Variants in DRAXIN observed in about 807,000 individuals in gnomAD.
DRAXIN encodes the protein dorsal repulsive axon guidance protein.
In DRAXIN, 27 loss-of-function variants were observed where a neutral mutation model predicts 33.9. The observed-to-expected ratio is 0.80, with a 90% CI of 0.59 to 1.10. The LOEUF (loss-of-function observed/expected upper bound fraction) is 1.10, where lower values mean the gene tolerates loss of function less well. Ranked by LOEUF, DRAXIN falls within the 50% of genes least tolerant of loss-of-function variation. The pLI is 0.00. For synonymous variants in DRAXIN, 178 were observed against 194.0 expected, an observed-to-expected ratio of 0.92 and a Z score of 0.69; for missense variants, 371 against 460.8, an observed-to-expected ratio of 0.81 and a Z score of 1.78.
At chr1:11,702,504 ATAG>A (rs2100734092) in intron 1 of DRAXIN, among the ~76,000 whole-genome samples, 1 of 150,634 alleles carries the variant, frequency 6.6e-6, no homozygotes, top group Non-Finnish European at 1.5e-5. Context: ...TCACATGATC[ATAG>A]TATACACACA....
upstream of DRAXIN, among the ~76,000 whole-genome samples, chr1:11,688,279 G>T (rs1373946607): frequency 6.6e-6 from 1 of 152,134 alleles, no homozygotes; most frequent in African/African-American, 2.4e-5. The surrounding 1 kb of genome is among the most constrained non-coding windows in gnomAD (Gnocchi z 4.6). Flanking sequence ...AGCACACGTG[G>T]CCGGGCACGG....
At chr1:11,691,147 C>T (rs536134473), upstream of DRAXIN, among the ~76,000 whole-genome samples, 408 of 152,316 alleles carry the variant, frequency 2.7e-3, 1 homozygote, top group Non-Finnish European at 4.3e-3. Flanking sequence ...CGCCGTTCCC[C>T]GTCCCGCCTC....
upstream of DRAXIN, among the ~76,000 whole-genome samples, chr1:11,690,948 T>G (rs566169645): frequency 3.5e-5 from 5 of 144,844 alleles, no homozygotes; most frequent in East Asian, 4.2e-4. This position sits in a 1 kb window ranked among gnomAD's most constrained non-coding sequence, Gnocchi z 4.2. Context: ...GTGTGTGTGT[T>G]TGTGTGTGTG....
intron 1 of DRAXIN, among the ~76,000 whole-genome samples, chr1:11,702,781 C>T (rs1359765045): frequency 5.4e-5 from 8 of 148,350 alleles, no homozygotes; most frequent in African/African-American, 1.0e-4. Context: ...CTCTCTCTGT[C>T]GCCCAGGTTG....
chr1:11,698,265 T>G (rs1641222712), intron 1 of DRAXIN, among the ~76,000 whole-genome samples: 1 of 152,140 alleles, frequency 6.6e-6, no homozygotes, highest in Admixed American at 6.5e-5. Flanking sequence ...ATCCATACAG[T>G]TGTTCCCCAA....
At chr1:11,698,493 G>A (rs12133335) in intron 1 of DRAXIN, among the ~76,000 whole-genome samples, 9,396 of 152,268 alleles carry the variant, frequency 0.062, 353 homozygotes, top group African/African-American at 0.11. Context: ...AATTCCTGCC[G>A]TTTCAGGAAG....
At position 11,692,455 on chromosome 1, in the gene DRAXIN, C is replaced by G. The variant is rs1294974310; in HGVS notation, c.-11+602C>G. Among the ~76,000 whole-genome samples the G allele has an allele frequency of 6.6e-6, 1 of 152,232 alleles. No homozygotes were observed. Among genetic ancestry groups the G allele is most frequent in the African/African-American group, 2.4e-5 (1 of 41,462 alleles). ...GGCCCCGCGCCGTCCCATCTGTGCC[C>G]AGGAAGGTACTCAGCCTGGCTCCCC... On this transcript the variant is annotated intron_variant, in intron 1 of 6. Coordinates refer to ENST00000294485, the MANE Select transcript of DRAXIN (RefSeq NM_198545.4). The surrounding 1 kb of genome is among the most constrained non-coding windows in gnomAD (Gnocchi z 5.8).
Position 11,706,357 on chromosome 1 carries a change from T to C in DRAXIN, c.99T>C (p.Pro33=), listed in dbSNP as rs1363644384. Residue 33 remains proline, a synonymous_variant, in exon 2 of 7, where the codon CCT becomes CCC. Coordinates refer to ENST00000294485, the MANE Select transcript of DRAXIN (RefSeq NM_198545.4). The surrounding 1 kb of genome is among the most constrained non-coding windows in gnomAD (Gnocchi z 5.5). ...SLAGALAPGT[P]ARNLPENHID... ...CAGGCGCCCTTGCACCTGGGACCCCTGCCCGGAACCTCCCTGAGAATCACA... is the reference window on the plus strand; with the variant it reads ...CAGGCGCCCTTGCACCTGGGACCCCCGCCCGGAACCTCCCTGAGAATCACA... The C allele has an allele frequency of 6.2e-7, 1 of 1,613,902 alleles. No individual in the cohort carries two copies. The highest frequency in any genetic ancestry group is 8.5e-7 in the Non-Finnish European group (1 of 1,180,020).
intron 3 of DRAXIN, 100 bp from the exon 4 acceptor site, chr1:11,711,751 C>A: frequency 9.1e-7 from 1 of 1,103,148 alleles, no homozygotes. Context: ...GATAAGGTGG[C>A]CTCTGAGAAG....
At position 11,703,513 on chromosome 1, in the gene DRAXIN, G is replaced by T. The variant is rs184220399; in HGVS notation, c.-10-2736G>T. Among the ~76,000 whole-genome samples the T allele has an allele frequency of 6.8e-4, 104 of 152,304 alleles. 1 individual carries two copies. The highest frequency in any genetic ancestry group is 2.5e-3 in the African/African-American group (103 of 41,568). On this transcript the variant is annotated intron_variant, in intron 1 of 6. Coordinates refer to ENST00000294485, the MANE Select transcript of DRAXIN (RefSeq NM_198545.4). ...GAAGTTGGAGCTGCAAAGCTTGGTT[G>T]GGGCCACATTACACAAGGTCTTCAG...
At chr1:11,689,318 C>T (rs1249612371), upstream of DRAXIN, among the ~76,000 whole-genome samples, 2 of 122,882 alleles carry the variant, frequency 1.6e-5, no homozygotes, top group East Asian at 4.7e-4. Flanking sequence ...AAAAAAAAGG[C>T]TGGGTGCTGT....
At chr1:11,689,834 C>T (rs936727152), upstream of DRAXIN, among the ~76,000 whole-genome samples, 1 of 151,978 alleles carries the variant, frequency 6.6e-6, no homozygotes, top group African/African-American at 2.4e-5. Context: ...TGGGTCAGGA[C>T]CCCTTTCCTG....
At chr1:11,713,859 C>T (rs1202211000) in intron 5 of DRAXIN, among the ~76,000 whole-genome samples, 2 of 152,136 alleles carry the variant, frequency 1.3e-5, no homozygotes, top group Non-Finnish European at 1.5e-5. Context: ...GCCATGAAAC[C>T]CCATCTCTAC....
In DRAXIN at chr1:11,694,934, G is replaced by C. The variant is rs565915033; in HGVS notation, c.-11+3081G>C. 6.6e-6 allele frequency among the ~76,000 whole-genome samples: 1 copy of C among 152,316 alleles called. No homozygotes were observed. The highest frequency in any genetic ancestry group is 2.1e-4 in the South Asian group (1 of 4,824). ...CTTCTCTTGATGGGATGGGGTTGAA[G>C]GGGTGGTTATGAGGGATGAGGCTCC... On this transcript the variant is annotated intron_variant, in intron 1 of 6. Transcript: ENST00000294485. This position sits in a 1 kb window ranked among gnomAD's most constrained non-coding sequence, Gnocchi z 4.9.
In DRAXIN at chr1:11,709,430, T is replaced by C; in HGVS notation, c.607T>C (p.Ser203Pro). 1 of 1,613,662 alleles carries C rather than the reference T, an allele frequency of 6.2e-7. No individual in the cohort carries two copies. Among genetic ancestry groups the C allele is most frequent in the Non-Finnish European group, 8.5e-7 (1 of 1,179,874 alleles). The change falls in exon 3 of 7, where the codon TCC becomes CCC. Residue 203 changes from serine to proline, a missense_variant. Physicochemically the swap from Ser to Pro is moderately conservative, Grantham distance 74. Transcript: ENST00000294485. Reference sequence around the variant, plus strand: ...TGAGGCAGCACCTGCCACAGAAGAGTCCCTGATCCTGCCCGTCACCTCCCT... The same window carrying C: ...TGAGGCAGCACCTGCCACAGAAGAGCCCCTGATCCTGCCCGTCACCTCCCT... ...TFEAAPATEE[S>P]LILPVTSLRP...
chr1:11,719,515 G>A, intron 6 of DRAXIN, 69 bp from the exon 7 acceptor site: 16 of 1,367,478 alleles, frequency 1.2e-5, no homozygotes, highest in East Asian at 2.5e-5. Flanking sequence ...GGCCCCGAGC[G>A]TGCAGGGGAA....
intron 5 of DRAXIN, among the ~76,000 whole-genome samples, chr1:11,714,881 C>T (rs183768171): frequency 3.9e-5 from 6 of 152,372 alleles, no homozygotes; most frequent in African/African-American, 1.2e-4. Flanking sequence ...TCGCTCTTCC[C>T]ATGGTCAATC....
chr1:11,706,410 C>T lies in DRAXIN; in HGVS notation c.152C>T (p.Thr51Met), dbSNP rs376116914. Residue 51 changes from threonine to methionine, a missense_variant, in exon 2 of 7, where the codon ACG becomes ATG. Transcript: ENST00000294485. The surrounding 1 kb of genome is among the most constrained non-coding windows in gnomAD (Gnocchi z 5.5). ...HIDLPGPALW[T>M]PQASHHRRRG... Reference sequence around the variant, plus strand: ...GACCTCCCAGGCCCAGCGCTGTGGACGCCTCAGGCCAGCCACCACCGCCGG... The same window carrying T: ...GACCTCCCAGGCCCAGCGCTGTGGATGCCTCAGGCCAGCCACCACCGCCGG... The T allele has an allele frequency of 2.7e-5, 44 of 1,612,518 alleles. No homozygotes were observed. Among genetic ancestry groups the T allele is most frequent in the African/African-American group, 8.0e-5 (6 of 74,900 alleles).
chr1:11,692,719 G>A lies in DRAXIN; in HGVS notation c.-11+866G>A, dbSNP rs1305934247. ...CTGCCCTATATGCTCCCTCCACGCT[G>A]CCCACCTCCCAGCCCAGTGACACAC... On this transcript the variant is annotated intron_variant, in intron 1 of 6. Coordinates refer to ENST00000294485, the MANE Select transcript of DRAXIN (RefSeq NM_198545.4). The surrounding 1 kb of genome is among the most constrained non-coding windows in gnomAD (Gnocchi z 5.8). 6.6e-6 allele frequency among the ~76,000 whole-genome samples: 1 copy of A among 152,142 alleles called. No homozygotes were observed. Among genetic ancestry groups the A allele is most frequent in the Non-Finnish European group, 1.5e-5 (1 of 68,012 alleles).
Sources: allele counts gnomAD v4.1 joint callset (sites outside exome capture counted in the v4.1 genomes callset), GRCh38; gene constraint gnomAD v4.1.1; non-coding constraint Gnocchi (gnomAD v3.1); transcripts MANE v1.5; gene names NCBI Gene and HGNC (gene_info 2026-07-23, HGNC 2026-07-21).